The following PTPRD variants were observed in gnomAD, a reference collection of about 807,000 sequenced individuals.
PTPRD encodes receptor-type tyrosine-protein phosphatase delta.
A neutral mutation model predicts 214.5 loss-of-function variants in PTPRD; 34 were observed. The ratio of observed to expected loss-of-function variants is 0.16; its 90% CI spans 0.12 to 0.21. PTPRD has a LOEUF of 0.21. PTPRD is among the 10% of genes least tolerant of loss of function. PTPRD has a pLI of 1.00. For synonymous variants in PTPRD, 1,128 were observed against 845.7 expected (o/e 1.33, Z -5.79); for missense variants, 2,545 against 2,398.7 (o/e 1.06, Z -1.27).
intron 14 of PTPRD, among the ~76,000 whole-genome samples, chr9:8,560,352 T>A (rs1380843817): frequency 6.6e-6 from 1 of 151,312 alleles, no homozygotes; most frequent in Non-Finnish European, 1.5e-5. Context: ...CAAGGCCAAA[T>A]GCAAAATGGG....
At chr9:9,580,646 T>G (rs1248367129) in intron 7 of PTPRD, among the ~76,000 whole-genome samples, 3 of 150,996 alleles carry the variant, frequency 2.0e-5, no homozygotes, top group Non-Finnish European at 2.9e-5. Context: ...CCTCCATGAT[T>G]CAAGCAATTC....
chr9:10,192,418 C>A (rs1160481401), intron 3 of PTPRD, among the ~76,000 whole-genome samples: 4 of 93,726 alleles, frequency 4.3e-5, no homozygotes, highest in Non-Finnish European at 3.9e-5. Flanking sequence ...GGGTAGAAGT[C>A]AAAGTATTGG....
At chr9:8,602,729 C>A (rs1205539438) in intron 14 of PTPRD, among the ~76,000 whole-genome samples, 1 of 152,066 alleles carries the variant, frequency 6.6e-6, no homozygotes, top group Non-Finnish European at 1.5e-5. Flanking sequence ...CAGCACCATG[C>A]CCAAACTAAG....
At chr9:9,027,798 A>G (rs2099592162) in intron 10 of PTPRD, among the ~76,000 whole-genome samples, 2 of 152,014 alleles carry the variant, frequency 1.3e-5, no homozygotes, top group East Asian at 3.9e-4. Flanking sequence ...TTTACATAAG[A>G]TCTGCTTTGT....
chr9:10,322,579 G>C (rs2096572107), intron 3 of PTPRD, among the ~76,000 whole-genome samples: 1 of 152,022 alleles, frequency 6.6e-6, no homozygotes, highest in South Asian at 2.1e-4. Context: ...TAATATATAA[G>C]TTTGCTATTA....
intron 12 of PTPRD, among the ~76,000 whole-genome samples, chr9:8,724,545 A>G (rs1044385689): frequency 6.6e-5 from 10 of 152,152 alleles, no homozygotes; most frequent in Admixed American, 2.0e-4. Context: ...GTCTTCCTAT[A>G]GCAGCTTAAA....
intron 3 of PTPRD, among the ~76,000 whole-genome samples, chr9:10,240,462 GACTGAGGA>G (rs2154362279): frequency 6.6e-6 from 1 of 152,022 alleles, no homozygotes; most frequent in African/African-American, 2.4e-5. Context: ...TGAAAGCTGG[GACTGAGGA>G]ATGCATCATA....
chr9:10,307,724 C>A (rs1028994704), intron 3 of PTPRD, among the ~76,000 whole-genome samples: 1 of 151,912 alleles, frequency 6.6e-6, no homozygotes, highest in African/African-American at 2.4e-5. Context: ...TCCTTGCCAG[C>A]ATCTCTTATT....
chr9:10,210,718 GA>G (rs1384414688), intron 3 of PTPRD, among the ~76,000 whole-genome samples: 1 of 142,402 alleles, frequency 7.0e-6, no homozygotes, highest in Non-Finnish European at 1.5e-5. Context: ...GAAGTTGTTT[GA>G]TTTTATATAT....
intron 14 of PTPRD, among the ~76,000 whole-genome samples, chr9:8,556,622 C>T (rs1021375746): frequency 1.3e-5 from 2 of 151,840 alleles, no homozygotes; most frequent in Non-Finnish European, 2.9e-5. Flanking sequence ...CATTTCTTTC[C>T]TATCCAAGGA....
intron 7 of PTPRD, among the ~76,000 whole-genome samples, chr9:9,658,050 C>T (rs1220725688): frequency 6.6e-6 from 1 of 152,094 alleles, no homozygotes. Flanking sequence ...TGTCTTCCAG[C>T]GGTATCTTTT....
At chr9:9,048,162 T>C (rs989938019) in intron 10 of PTPRD, among the ~76,000 whole-genome samples, 73 of 152,146 alleles carry the variant, frequency 4.8e-4, no homozygotes, top group African/African-American at 1.7e-3. Context: ...CAAATACTGG[T>C]GAGGATGTGA....
chr9:8,853,912 C>G lies in PTPRD; in HGVS notation c.-103-119966G>C, dbSNP rs1031199260. 8.5e-5 allele frequency among the ~76,000 whole-genome samples: 13 copies of G among 152,120 alleles called. 1 individual carries two copies. The highest frequency in any genetic ancestry group is 7.9e-4 in the Admixed American group (12 of 15,278). ...AATAACAACAAAAAAAGGTAAATAACTCCATAAAACCAAAAGAGATTCAGA... is the reference window on the plus strand; with the variant it reads ...AATAACAACAAAAAAAGGTAAATAAGTCCATAAAACCAAAAGAGATTCAGA... On this transcript the variant is annotated intron_variant, in intron 11 of 45. Transcript: ENST00000381196.
intron 10 of PTPRD, among the ~76,000 whole-genome samples, chr9:9,058,201 A>G (rs2099699832): frequency 1.3e-5 from 2 of 152,248 alleles, no homozygotes; most frequent in South Asian, 4.1e-4. Flanking sequence ...TAGGTTTTTT[A>G]GCAACACAGC....
chr9:9,185,028 T>A (rs2099930483), intron 9 of PTPRD, among the ~76,000 whole-genome samples: 1 of 152,056 alleles, frequency 6.6e-6, no homozygotes, highest in African/African-American at 2.4e-5. Context: ...TAGGCCTCTA[T>A]TTGTGGGTTT....
intron 35 of PTPRD, among the ~76,000 whole-genome samples, chr9:8,412,628 C>T (rs2093620946): frequency 1.3e-5 from 2 of 152,154 alleles, no homozygotes; most frequent in South Asian, 2.1e-4. Context: ...CTTGCCTCTA[C>T]CCTGTGACTT....
intron 2 of PTPRD, among the ~76,000 whole-genome samples, chr9:10,466,314 G>C (rs1297179554): frequency 6.6e-6 from 1 of 152,056 alleles, no homozygotes; most frequent in African/African-American, 2.4e-5. Context: ...TCAATTATTT[G>C]AAGATAAATA....
intron 2 of PTPRD, among the ~76,000 whole-genome samples, chr9:10,365,649 A>G (rs537564460): frequency 2.0e-5 from 3 of 152,320 alleles, no homozygotes; most frequent in South Asian, 2.1e-4. Flanking sequence ...TTTTTAGAAC[A>G]TAAGAGGAGC....
intron 3 of PTPRD, among the ~76,000 whole-genome samples, chr9:10,173,335 C>T (rs965960887): frequency 9.2e-5 from 14 of 151,926 alleles, no homozygotes; most frequent in Admixed American, 3.3e-4. Context: ...ATTAAATTGG[C>T]TAAGGTATTA....
Sources: allele counts gnomAD v4.1 joint callset (sites outside exome capture counted in the v4.1 genomes callset), GRCh38; gene constraint gnomAD v4.1.1; transcripts MANE v1.5; gene names NCBI Gene and HGNC (gene_info 2026-07-23, HGNC 2026-07-21).